Variants in ZNF704 observed in about 807,000 individuals in gnomAD.
ZNF704 encodes the protein zinc finger protein 704, also known as glucocorticoid induced gene 1.
Under a neutral mutation model 44.7 loss-of-function variants are expected in ZNF704, and 10 were observed. That is an observed-to-expected ratio of 0.22 (90% confidence interval 0.14 to 0.38). The LOEUF is 0.38. ZNF704 is among the 10% of genes least tolerant of loss of function. The probability of loss-of-function intolerance (pLI) is 1.00; values close to 1 mark genes in which losing one functional copy is unlikely to be tolerated. For synonymous variants in ZNF704, 211 were observed against 207.6 expected, an observed-to-expected ratio of 1.02 and a Z score of -0.14; for missense variants, 390 against 545.5, an observed-to-expected ratio of 0.71 and a Z score of 2.84.
chr8:80,721,979 A>G (rs1474106652), intron 2 of ZNF704, among the ~76,000 whole-genome samples: 3 of 152,168 alleles, frequency 2.0e-5, no homozygotes, highest in Non-Finnish European at 4.4e-5. Context: ...GCTCACACCT[A>G]TAATCCCAGC....
At chr8:80,727,410 T>A (rs1806502147) in intron 2 of ZNF704, among the ~76,000 whole-genome samples, 1 of 151,998 alleles carries the variant, frequency 6.6e-6, no homozygotes, top group Non-Finnish European at 1.5e-5. Context: ...ACAACAGCAG[T>A]TCTGCAACTG....
chr8:80,742,379 T>G (rs1563537816), intron 2 of ZNF704, among the ~76,000 whole-genome samples: 1 of 152,180 alleles, frequency 6.6e-6, no homozygotes, highest in Non-Finnish European at 1.5e-5. Flanking sequence ...TACTTTTGCC[T>G]GCAGCTAACC....
Position 80,631,035 on chromosome 8 carries a change from A to G in ZNF704, c.*10331T>C, listed in dbSNP as rs758314065. On this transcript the variant is annotated 3_prime_UTR_variant, in exon 9 of 9. Coordinates refer to ENST00000327835, the MANE Select transcript of ZNF704 (RefSeq NM_001033723.3). Reference sequence around the variant, plus strand: ...TTTCTAAAGCTTTCTACCAATGACCAAGGAGGTTCCCCGAACAGTCAGGAG... The same window carrying G: ...TTTCTAAAGCTTTCTACCAATGACCGAGGAGGTTCCCCGAACAGTCAGGAG... The G allele has an allele frequency of 1.3e-5, 2 of 152,192 alleles. No individual in the cohort carries two copies. The highest frequency in any genetic ancestry group is 2.4e-5 in the African/African-American group (1 of 41,460). 9.4% of individuals were successfully genotyped at this position (152,192 alleles called of 1,614,324 possible). A position where few individuals can be genotyped will look rare whatever the true frequency, so the allele number is the denominator to read the frequency against.
At chr8:80,649,038 T>A (rs189943348) in intron 7 of ZNF704, among the ~76,000 whole-genome samples, 1 of 152,350 alleles carries the variant, frequency 6.6e-6, no homozygotes, top group East Asian at 1.9e-4. Context: ...CTTAACCATT[T>A]CCAAGTTCTA....
chr8:80,755,504 A>G (rs1332333203), intron 2 of ZNF704, among the ~76,000 whole-genome samples: 1 of 152,180 alleles, frequency 6.6e-6, no homozygotes, highest in Non-Finnish European at 1.5e-5. Context: ...AGAATGGTCC[A>G]GCTGAGGAAA....
intron 2 of ZNF704, among the ~76,000 whole-genome samples, chr8:80,720,749 AG>A (rs772970253): frequency 3.8e-4 from 58 of 152,364 alleles, no homozygotes; most frequent in Non-Finnish European, 7.1e-4. Context: ...CTCATCTCAG[AG>A]GGAAAACTCA....
intron 4 of ZNF704, among the ~76,000 whole-genome samples, chr8:80,674,861 C>A (rs1447712045): frequency 1.3e-5 from 2 of 152,234 alleles, no homozygotes; most frequent in Non-Finnish European, 2.9e-5. Flanking sequence ...ATATCTTCCA[C>A]TTAAGAGAAC....
At chr8:80,773,843 T>C (rs187991117) in intron 2 of ZNF704, among the ~76,000 whole-genome samples, 49 of 152,330 alleles carry the variant, frequency 3.2e-4, no homozygotes, top group African/African-American at 8.9e-4. Flanking sequence ...TAATTGTTCA[T>C]TGAAGCATTT....
chr8:80,832,128 A>G (rs574442255), intron 1 of ZNF704, among the ~76,000 whole-genome samples: 1 of 152,340 alleles, frequency 6.6e-6, no homozygotes, highest in African/African-American at 2.4e-5. Context: ...TAAAACTCAG[A>G]ATTTTCATTC....
chr8:80,848,011 C>T (rs569909476), intron 1 of ZNF704, among the ~76,000 whole-genome samples: 2 of 152,104 alleles, frequency 1.3e-5, no homozygotes, highest in East Asian at 3.9e-4. Flanking sequence ...TCATAATATC[C>T]CCAACCCACA....
intron 1 of ZNF704, among the ~76,000 whole-genome samples, chr8:80,854,788 C>T (rs1808929624): frequency 6.6e-6 from 1 of 152,178 alleles, no homozygotes; most frequent in Non-Finnish European, 1.5e-5. Flanking sequence ...CTGTAATATG[C>T]ATTCTGTACT....
the ZNF704 span, among the ~76,000 whole-genome samples, chr8:80,883,974 A>G: frequency 6.6e-6 from 1 of 152,196 alleles, no homozygotes; most frequent in Non-Finnish European, 1.5e-5. Flanking sequence ...TAACCCCAGC[A>G]ACCTATCATG....
At chr8:80,686,801 G>A (rs912157168) in intron 4 of ZNF704, among the ~76,000 whole-genome samples, 1 of 152,030 alleles carries the variant, frequency 6.6e-6, no homozygotes, top group African/African-American at 2.4e-5. Context: ...ATAAAAATGA[G>A]ATACAAAATA....
At chr8:80,689,795 C>T (rs1818601829) in intron 3 of ZNF704, among the ~76,000 whole-genome samples, 2 of 152,068 alleles carry the variant, frequency 1.3e-5, no homozygotes, top group Admixed American at 6.5e-5. Context: ...TTTAGAAAGA[C>T]TATTTAGTCA....
chr8:80,709,446 A>T lies in ZNF704; in HGVS notation c.222-16339T>A, dbSNP rs1268204886. Reference sequence around the variant, plus strand: ...CAACAGTGCGAGACTCCATCTCAAAAAAAAAAAAAAAAAAAAAAAAAAAAA... The same window carrying T: ...CAACAGTGCGAGACTCCATCTCAAATAAAAAAAAAAAAAAAAAAAAAAAAA... On this transcript the variant is annotated intron_variant, in intron 2 of 8. Coordinates refer to ENST00000327835, the MANE Select transcript of ZNF704 (RefSeq NM_001033723.3). Among the ~76,000 whole-genome samples the T allele has an allele frequency of 1.6e-4, 17 of 108,992 alleles. 2 individuals carry two copies. The highest frequency in any genetic ancestry group is 9.9e-4 in the African/African-American group (17 of 17,220). 71.5% of individuals were successfully genotyped at this position (108,992 alleles called of 152,430 possible).
chr8:80,717,267 G>A (rs1819085817), intron 2 of ZNF704, among the ~76,000 whole-genome samples: 2 of 152,142 alleles, frequency 1.3e-5, no homozygotes, highest in Non-Finnish European at 2.9e-5. Context: ...CACACATGCA[G>A]TACCACTTAC....
chr8:80,867,716 C>T (rs1358546366), intron 1 of ZNF704, among the ~76,000 whole-genome samples: 1 of 152,174 alleles, frequency 6.6e-6, no homozygotes, highest in Non-Finnish European at 1.5e-5. Context: ...GTGTTTGCTG[C>T]ACAGTTCCTG....
At chr8:80,827,653 G>A (rs1306784950) in intron 1 of ZNF704, among the ~76,000 whole-genome samples, 4 of 152,136 alleles carry the variant, frequency 2.6e-5, no homozygotes, top group East Asian at 3.8e-4. Flanking sequence ...GAGGCATCAC[G>A]CTACCTGACT....
At chr8:80,688,958 CAAAAA>C (rs57878370) in intron 3 of ZNF704, among the ~76,000 whole-genome samples, 2,277 of 71,388 alleles carry the variant, frequency 0.032, 59 homozygotes, top group African/African-American at 0.083. Flanking sequence ...GACTCTGTCT[CAAAAA>C]AAAAAAAAAA....
Sources: allele counts gnomAD v4.1 joint callset (sites outside exome capture counted in the v4.1 genomes callset), GRCh38; gene constraint gnomAD v4.1.1; transcripts MANE v1.5; gene names NCBI Gene and HGNC (gene_info 2026-07-23, HGNC 2026-07-21).